Variants in HRH1 observed in about 807,000 individuals in gnomAD.
HRH1 encodes the protein histamine H1 receptor.
Under a neutral mutation model 10.3 loss-of-function variants are expected in HRH1, and 6 were observed. The observed-to-expected ratio is 0.58, with a 90% CI of 0.32 to 1.15. The LOEUF (loss-of-function observed/expected upper bound fraction) is 1.15, where lower values mean the gene tolerates loss of function less well. Ranked by LOEUF, HRH1 falls within the 50% of genes most tolerant of loss-of-function variation. The probability of loss-of-function intolerance (pLI) is 0.05; values close to 1 mark genes in which losing one functional copy is unlikely to be tolerated. For missense variants in HRH1, 514 were observed against 615.3 expected (o/e 0.84, Z 1.74); for synonymous variants, 242 against 236.7 (o/e 1.02, Z -0.21).
rs201098467 is a variant in HRH1 at position 11,262,396 on chromosome 3, T to A, written c.*1895T>A. On this transcript the variant is annotated 3_prime_UTR_variant, in exon 2 of 2. Coordinates refer to ENST00000431010, the MANE Select transcript of HRH1 (RefSeq NM_001098212.2). ...TTAACAGAGTTTGATATGGGCTTTCTCTTTGGTTTCTCATCACATTTGTAA... is the reference window on the plus strand; with the variant it reads ...TTAACAGAGTTTGATATGGGCTTTCACTTTGGTTTCTCATCACATTTGTAA... The A allele has an allele frequency of 1.2e-5, 2 of 167,134 alleles. No homozygotes were observed. Among genetic ancestry groups the A allele is most frequent in the Non-Finnish European group, 2.9e-5 (2 of 68,130 alleles). 10.4% of individuals were successfully genotyped at this position (167,134 alleles called of 1,614,324 possible).
chr3:11,257,252 TA>T (rs756942955), intron 1 of HRH1, among the ~76,000 whole-genome samples: 1,029 of 80,144 alleles, frequency 0.013, 4 homozygotes, highest in African/African-American at 0.03. Flanking sequence ...GACTCTGTCC[TA>T]AAAAAAAAAA....
At chr3:11,140,354 G>T (rs915524403) in intron 1 of HRH1, among the ~76,000 whole-genome samples, 16 of 152,114 alleles carry the variant, frequency 1.1e-4, no homozygotes, top group African/African-American at 3.1e-4. Context: ...CTTAGGCGTG[G>T]CAGTTGACTT....
intron 1 of HRH1, among the ~76,000 whole-genome samples, chr3:11,246,334 C>G (rs906609488): frequency 3.9e-5 from 6 of 152,226 alleles, no homozygotes; most frequent in African/African-American, 1.4e-4. Flanking sequence ...AGCACACCCT[C>G]TGTCCAGCAC....
intron 1 of HRH1, among the ~76,000 whole-genome samples, chr3:11,143,318 T>G (rs1482850231): frequency 6.6e-6 from 1 of 152,118 alleles, no homozygotes; most frequent in Non-Finnish European, 1.5e-5. Context: ...GGGTCTTGGT[T>G]CTTTTTGGTC....
intron 1 of HRH1, among the ~76,000 whole-genome samples, chr3:11,212,857 T>G (rs1461264013): frequency 6.6e-6 from 1 of 151,982 alleles, no homozygotes; most frequent in Non-Finnish European, 1.5e-5. Context: ...TCACCTAAGT[T>G]TATCTCCCCT....
chr3:11,220,277 CA>C (rs1361382135), intron 1 of HRH1, among the ~76,000 whole-genome samples: 1 of 152,172 alleles, frequency 6.6e-6, no homozygotes, highest in Non-Finnish European at 1.5e-5. Context: ...TAAGAAACCC[CA>C]AGTGCCACTG....
At chr3:11,181,394 G>A (rs897601047) in intron 1 of HRH1, among the ~76,000 whole-genome samples, 3 of 152,180 alleles carry the variant, frequency 2.0e-5, no homozygotes, top group Non-Finnish European at 2.9e-5. Flanking sequence ...GTTTTCCAGA[G>A]TGGCTGGACC....
intron 1 of HRH1, among the ~76,000 whole-genome samples, chr3:11,253,739 G>A (rs910749936): frequency 2.0e-5 from 3 of 152,136 alleles, no homozygotes; most frequent in African/African-American, 4.8e-5. Context: ...CGTTCTGACC[G>A]GGAGGATGTT....
intron 1 of HRH1, among the ~76,000 whole-genome samples, chr3:11,169,565 T>G (rs973893139): frequency 6.6e-6 from 1 of 152,078 alleles, no homozygotes; most frequent in Non-Finnish European, 1.5e-5. Flanking sequence ...CTGGGGCCTT[T>G]GTTCCTACAG....
In HRH1 at chr3:11,211,698, C is replaced by T. The variant is rs563577280; in HGVS notation, c.-35-47305C>T. Among the ~76,000 whole-genome samples the T allele has an allele frequency of 6.6e-5, 10 of 152,302 alleles. No individual in the cohort carries two copies. In the East Asian group the frequency reaches 1.9e-3, roughly 29 times the overall value. On this transcript the variant is annotated intron_variant, in intron 1 of 1. Transcript: ENST00000431010. ...GAGTTGGAATGGACAGGGGCAAGGACTGGGATTTCAAGATTCTCCACCACT... is the reference window on the plus strand; with the variant it reads ...GAGTTGGAATGGACAGGGGCAAGGATTGGGATTTCAAGATTCTCCACCACT...
At chr3:11,247,890 G>A (rs1420642003) in intron 1 of HRH1, among the ~76,000 whole-genome samples, 1 of 152,138 alleles carries the variant, frequency 6.6e-6, no homozygotes, top group East Asian at 1.9e-4. Context: ...TACAGGGTAT[G>A]ATACAGCATC....
intron 1 of HRH1, among the ~76,000 whole-genome samples, chr3:11,236,008 G>A (rs529267074): frequency 6.6e-6 from 1 of 152,284 alleles, no homozygotes; most frequent in East Asian, 1.9e-4. Flanking sequence ...GGGCCCCAAT[G>A]TTCCTCACTG....
chr3:11,144,377 A>G (rs1936361775), intron 1 of HRH1, among the ~76,000 whole-genome samples: 1 of 150,164 alleles, frequency 6.7e-6, no homozygotes, highest in African/African-American at 2.5e-5. Context: ...GTGTATATAT[A>G]TGTCTATATG....
In HRH1 at chr3:11,259,181, G is replaced by A. The variant is rs1939865737; in HGVS notation, c.144G>A (p.Val48=). ...TCACAGTAGGGCTCAACCTGCTGGTGCTGTATGCCGTACGGAGTGAGCGGA... is the reference window on the plus strand; with the variant it reads ...TCACAGTAGGGCTCAACCTGCTGGTACTGTATGCCGTACGGAGTGAGCGGA... The part of the protein sequence containing the change: ...CLVTVGLNLL[V]LYAVRSERKL... Residue 48 remains valine (V), a synonymous_variant, in exon 2 of 2, where the codon GTG becomes GTA. Coordinates refer to ENST00000431010, the MANE Select transcript of HRH1 (RefSeq NM_001098212.2). This position sits in a 1 kb window ranked among gnomAD's most constrained non-coding sequence, Gnocchi z 4.6. 6.2e-7 allele frequency: 1 copy of A among 1,613,844 alleles called. No individual in the cohort carries two copies. The highest frequency in any genetic ancestry group is 8.5e-7 in the Non-Finnish European group (1 of 1,180,006).
chr3:11,226,531 G>C (rs1938887172), intron 1 of HRH1: 1 of 152,200 alleles, frequency 6.6e-6, no homozygotes, highest in South Asian at 2.1e-4. Flanking sequence ...CTTCAGTAAA[G>C]GTTGAAGTTA....
intron 1 of HRH1, among the ~76,000 whole-genome samples, chr3:11,187,047 C>T (rs1008691174): frequency 6.6e-6 from 1 of 152,226 alleles, no homozygotes; most frequent in African/African-American, 2.4e-5. Flanking sequence ...GAAGGTATGA[C>T]GTTCTTAAAA....
At chr3:11,199,612 G>A (rs77980683) in intron 1 of HRH1, among the ~76,000 whole-genome samples, 352 of 152,272 alleles carry the variant, frequency 2.3e-3, no homozygotes, top group Non-Finnish European at 4.2e-3. Flanking sequence ...CTGCCTATCT[G>A]TTCCCCTCCT....
At chr3:11,170,552 A>G (rs955387112) in intron 1 of HRH1, among the ~76,000 whole-genome samples, 29 of 152,406 alleles carry the variant, frequency 1.9e-4, no homozygotes, top group Admixed American at 1.6e-3. Flanking sequence ...CGAGGAGCCC[A>G]CTATGATCCT....
intron 1 of HRH1, among the ~76,000 whole-genome samples, chr3:11,223,648 T>A (rs541284244): frequency 2.0e-5 from 3 of 152,032 alleles, no homozygotes; most frequent in Non-Finnish European, 4.4e-5. Flanking sequence ...GGGCTCTGGG[T>A]TCCCCCACTC....
Sources: gnomAD v4.1 joint callset for allele counts (sites outside exome capture counted in the v4.1 genomes callset) on GRCh38, gnomAD v4.1.1 for gene constraint, Gnocchi (gnomAD v3.1) non-coding constraint, MANE v1.5 for transcripts, NCBI Gene and HGNC (gene_info 2026-07-23, HGNC 2026-07-21) for gene names.